CHSY1: variants seen among roughly 807,000 people sequenced by gnomAD.
The protein encoded by CHSY1 is N-acetylgalactosaminyl-proteoglycan 3-beta-glucuronosyltransferase 1.
CHSY1 carries 13 observed loss-of-function variants against 59.8 expected under a neutral mutation model. The ratio of observed to expected loss-of-function variants is 0.22; its 90% CI spans 0.14 to 0.35. CHSY1 has a LOEUF of 0.35. CHSY1 is among the 10% of genes least tolerant of loss of function. CHSY1 has a pLI of 1.00. For synonymous variants in CHSY1, 459 were observed against 401.2 expected, an observed-to-expected ratio of 1.14 and a Z score of -1.72; for missense variants, 947 against 1,030.6, an observed-to-expected ratio of 0.92 and a Z score of 1.11.
chr15:101,248,792 TTTTC>T (rs1262461074), intron 1 of CHSY1, among the ~76,000 whole-genome samples: 1 of 152,102 alleles, frequency 6.6e-6, no homozygotes, highest in African/African-American at 2.4e-5. Context: ...CTTTTACTTA[TTTTC>T]TTTTTTTTGA....
chr15:101,222,696 G>A (rs569648079), intron 2 of CHSY1, among the ~76,000 whole-genome samples: 1 of 152,210 alleles, frequency 6.6e-6, no homozygotes, highest in South Asian at 2.1e-4. Flanking sequence ...CCCACCCCTT[G>A]GTTTTGTCTG....
intron 2 of CHSY1, among the ~76,000 whole-genome samples, chr15:101,228,802 G>A (rs956058122): frequency 3.3e-5 from 5 of 152,114 alleles, no homozygotes; most frequent in Non-Finnish European, 7.4e-5. Flanking sequence ...CCCCATAAGG[G>A]TAACTACATA....
Position 101,177,309 on chromosome 15 carries a change from C to G in CHSY1, c.*79G>C, listed in dbSNP as rs1196743046. The G allele has an allele frequency of 7.2e-7, 1 of 1,391,830 alleles. No homozygotes were observed. The highest frequency in any genetic ancestry group is 2.4e-5 in the East Asian group (1 of 42,206). The allele number at this position is 1,391,830 out of a possible 1,614,324, so 86.2% of individuals were successfully genotyped here. A position where few individuals can be genotyped will look rare whatever the true frequency, so the allele number is the denominator to read the frequency against. On this transcript the variant is annotated 3_prime_UTR_variant, in exon 3 of 3. Coordinates refer to ENST00000254190, the MANE Select transcript of CHSY1 (RefSeq NM_014918.5). ...TGTAAAATATATCCTTGTATACGGA[C>G]TTCAAAAACTGATCATACAAAAAAT...
chr15:101,218,654 C>T (rs922101188), intron 2 of CHSY1, among the ~76,000 whole-genome samples: 1 of 152,164 alleles, frequency 6.6e-6, no homozygotes, highest in Non-Finnish European at 1.5e-5. Context: ...GTGGCTCATG[C>T]CAACAGAAGG....
chr15:101,192,815 T>A (rs2038461443), intron 2 of CHSY1, among the ~76,000 whole-genome samples: 1 of 152,110 alleles, frequency 6.6e-6, no homozygotes, highest in Non-Finnish European at 1.5e-5. Flanking sequence ...ATAACCTACC[T>A]CCCTGCACAA....
chr15:101,186,771 C>T (rs1471478931), intron 2 of CHSY1: 1 of 152,246 alleles, frequency 6.6e-6, no homozygotes, highest in African/African-American at 2.4e-5. Context: ...TACTGCACTC[C>T]AGCCTAGGTG....
chr15:101,205,371 T>C (rs1471230184), intron 2 of CHSY1, among the ~76,000 whole-genome samples: 1 of 152,188 alleles, frequency 6.6e-6, no homozygotes, highest in Non-Finnish European at 1.5e-5. Context: ...AGCATACTCT[T>C]CAGTTGTTTA....
At chr15:101,185,862 G>A (rs995555777) in intron 2 of CHSY1, among the ~76,000 whole-genome samples, 1 of 151,914 alleles carries the variant, frequency 6.6e-6, no homozygotes, top group East Asian at 1.9e-4. Flanking sequence ...GGCACATCAA[G>A]GAGAAATGCT....
chr15:101,248,917 G>C (rs1256277525), intron 1 of CHSY1, among the ~76,000 whole-genome samples: 1 of 150,952 alleles, frequency 6.6e-6, no homozygotes, highest in African/African-American at 2.4e-5. Flanking sequence ...CTCCCGAGTA[G>C]CTGGGACTAC....
At chr15:101,228,987 C>T (rs75928043) in intron 2 of CHSY1, among the ~76,000 whole-genome samples, 2 of 152,144 alleles carry the variant, frequency 1.3e-5, no homozygotes, top group African/African-American at 4.8e-5. Context: ...CACAGCTACA[C>T]ATGAGCAAAT....
chr15:101,185,699 CTTTTTTTT>C (rs10556870), intron 2 of CHSY1, among the ~76,000 whole-genome samples: 2 of 121,358 alleles, frequency 1.6e-5, no homozygotes, highest in Non-Finnish European at 3.3e-5. Context: ...CTCGAAATAT[CTTTTTTTT>C]TTTTTTTTTT....
At chr15:101,204,007 T>C (rs759389576) in intron 2 of CHSY1, among the ~76,000 whole-genome samples, 1 of 152,254 alleles carries the variant, frequency 6.6e-6, no homozygotes, top group Non-Finnish European at 1.5e-5. Context: ...AACTGTGCTG[T>C]ATCAACGTTA....
Position 101,176,423 on chromosome 15 carries a change from T to C in CHSY1, c.*965A>G, listed in dbSNP as rs2038189264. ...CAGATTTATTGTAATAATTCATCTTTGTCATTCTAAACATTAATATTTTAC... is the reference window on the plus strand; with the variant it reads ...CAGATTTATTGTAATAATTCATCTTCGTCATTCTAAACATTAATATTTTAC... On this transcript the variant is annotated 3_prime_UTR_variant, in exon 3 of 3. Coordinates refer to ENST00000254190, the MANE Select transcript of CHSY1 (RefSeq NM_014918.5). The C allele has an allele frequency of 5.0e-6, 2 of 398,616 alleles. No individual in the cohort carries two copies. Among genetic ancestry groups the C allele is most frequent in the Non-Finnish European group, 8.8e-6 (2 of 226,064 alleles). The allele number at this position is 398,616 out of a possible 1,614,324, so 24.7% of individuals were successfully genotyped here.
At chr15:101,240,338 A>C (rs1378131789) in intron 1 of CHSY1, among the ~76,000 whole-genome samples, 2 of 152,242 alleles carry the variant, frequency 1.3e-5, no homozygotes, top group African/African-American at 2.4e-5. Context: ...GCTCCCAAAG[A>C]AGCAAGCTGT....
chr15:101,214,555 C>G (rs1021058895), intron 2 of CHSY1, among the ~76,000 whole-genome samples: 3 of 152,228 alleles, frequency 2.0e-5, no homozygotes, highest in South Asian at 2.1e-4. Flanking sequence ...AGTGATACAG[C>G]TTGGATCTGT....
intron 2 of CHSY1, among the ~76,000 whole-genome samples, chr15:101,234,524 T>A (rs1171023501): frequency 6.6e-6 from 1 of 152,228 alleles, no homozygotes; most frequent in Non-Finnish European, 1.5e-5. Context: ...CAACCCATTA[T>A]CTTTTCTTTA....
chr15:101,233,785 C>A (rs1157176805), intron 2 of CHSY1, among the ~76,000 whole-genome samples: 29 of 152,176 alleles, frequency 1.9e-4, no homozygotes, highest in Non-Finnish European at 2.5e-4. Context: ...CCCTAAAGTT[C>A]AAACAACAAA....
At chr15:101,229,487 A>G (rs559906286) in intron 2 of CHSY1, among the ~76,000 whole-genome samples, 1 of 152,366 alleles carries the variant, frequency 6.6e-6, no homozygotes, top group Non-Finnish European at 1.5e-5. Context: ...TATAATGATA[A>G]AAGTGTCTAT....
intron 1 of CHSY1, among the ~76,000 whole-genome samples, chr15:101,240,721 T>A (rs1024617461): frequency 6.6e-6 from 1 of 152,176 alleles, no homozygotes; most frequent in Admixed American, 6.5e-5. Context: ...GATTTTTTTG[T>A]GTGGAAAAAA....
Sources: allele counts gnomAD v4.1 joint callset (sites outside exome capture counted in the v4.1 genomes callset), GRCh38; gene constraint gnomAD v4.1.1; transcripts MANE v1.5; gene names NCBI Gene and HGNC (gene_info 2026-07-23, HGNC 2026-07-21).